Variants in YIPF1 observed in about 807,000 individuals in gnomAD.
YIPF1 encodes the protein protein YIPF1.
A neutral mutation model predicts 37.0 loss-of-function variants in YIPF1; 22 were observed. The ratio of observed to expected loss-of-function variants is 0.59; its 90% CI spans 0.42 to 0.85. The LOEUF (loss-of-function observed/expected upper bound fraction) is 0.85. YIPF1 is among the 40% of genes least tolerant of loss of function. YIPF1 has a pLI of 0.00. For missense variants in YIPF1, 355 were observed against 373.1 expected (o/e 0.95, Z 0.40); for synonymous variants, 128 against 131.9 (o/e 0.97, Z 0.21).
At position 53,878,289 on chromosome 1, in the gene YIPF1, G is replaced by A. The variant is rs200304706; in HGVS notation, c.364+26C>T. 2.1e-5 allele frequency: 34 copies of A among 1,608,012 alleles called. No homozygotes were observed. The Admixed American group carries it at 2.9e-4, about 14-fold the overall frequency. On this transcript the variant is annotated intron_variant, in intron 6 of 10. Transcript: ENST00000072644. ...ACTCACCCAAGTTCAACTGAAATAC[G>A]GTAAACAAATCAGTACTAAACATAC...
intron 4 of YIPF1, among the ~76,000 whole-genome samples, chr1:53,881,244 CAAAAAAAA>C (rs747288925): frequency 1.0e-5 from 1 of 96,320 alleles, no homozygotes. Flanking sequence ...GACTCCATCT[CAAAAAAAA>C]AAAAAAAAAG....
At chr1:53,884,985 T>A (rs1416300436) in intron 3 of YIPF1, among the ~76,000 whole-genome samples, 1 of 152,174 alleles carries the variant, frequency 6.6e-6, no homozygotes, top group Non-Finnish European at 1.5e-5. Flanking sequence ...GTAGCTAATA[T>A]GCAACAATTA....
At chr1:53,854,188 G>A (rs2100715232) in intron 10 of YIPF1, among the ~76,000 whole-genome samples, 1 of 152,194 alleles carries the variant, frequency 6.6e-6, no homozygotes, top group East Asian at 1.9e-4. Flanking sequence ...GGAGGTGGAG[G>A]TTGCAATGAG....
chr1:53,878,277 C>A lies in YIPF1; in HGVS notation c.364+38G>T. 4 of 1,602,888 alleles carry A rather than the reference C, an allele frequency of 2.5e-6. No individual in the cohort carries two copies. In the South Asian group the frequency reaches 4.5e-5, roughly 18 times the overall value. On this transcript the variant is annotated intron_variant, in intron 6 of 10. Coordinates refer to ENST00000072644, the MANE Select transcript of YIPF1 (RefSeq NM_018982.5). The stretch of plus-strand genomic sequence containing the variant: ...GGCAACCCTCACACTCACCCAAGTT[C>A]AACTGAAATACGGTAAACAAATCAG...
chr1:53,871,570 T>C, intron 6 of YIPF1, 82 bp from the exon 7 acceptor site: 1 of 1,140,090 alleles, frequency 8.8e-7, no homozygotes, highest in African/African-American at 1.6e-5. Context: ...TATCTTCCTC[T>C]TGTATTCATG....
intron 10 of YIPF1, chr1:53,855,006 G>T (rs1010046725): frequency 1.3e-5 from 2 of 151,664 alleles, no homozygotes; most frequent in East Asian, 3.9e-4. Flanking sequence ...ACTACCTGGA[G>T]AAGTCAAGAA....
In YIPF1 at chr1:53,889,762, T is replaced by A. The variant is rs1650760950; in HGVS notation, c.-319A>T. On this transcript the variant is annotated 5_prime_UTR_variant, in exon 1 of 11. Coordinates refer to ENST00000072644, the MANE Select transcript of YIPF1 (RefSeq NM_018982.5). Reference sequence around the variant, plus strand: ...GTCCCGAGAAGGCTCGGGCCTCAGTTGCTCCGCGCCGGTTTCGGTCCAGCC... The same window carrying A: ...GTCCCGAGAAGGCTCGGGCCTCAGTAGCTCCGCGCCGGTTTCGGTCCAGCC... The A allele has an allele frequency of 6.6e-6, 1 of 152,340 alleles. No individual in the cohort carries two copies. The highest frequency in any genetic ancestry group is 2.4e-5 in the African/African-American group (1 of 41,452). The allele number at this position is 152,340 out of a possible 1,614,324, so 9.4% of individuals were successfully genotyped here. A position where few individuals can be genotyped will look rare whatever the true frequency, so the allele number is the denominator to read the frequency against.
intron 10 of YIPF1, among the ~76,000 whole-genome samples, chr1:53,855,669 C>T (rs1649701162): frequency 6.6e-6 from 1 of 152,182 alleles, no homozygotes; most frequent in Non-Finnish European, 1.5e-5. Flanking sequence ...ACATGCCACA[C>T]AGGTTTGTAG....
At chr1:53,869,160 T>TCTCTCACACACA (rs911930860) in intron 7 of YIPF1, among the ~76,000 whole-genome samples, 3 of 137,982 alleles carry the variant, frequency 2.2e-5, no homozygotes, top group African/African-American at 8.4e-5. Context: ...TCTCTCTCTC[T>TCTCTCACACACA]CACACACACA....
rs547387261 is a variant in YIPF1 at position 53,855,471 on chromosome 1, T to C, written c.*9-3201A>G. 2.0e-5 allele frequency among the ~76,000 whole-genome samples: 3 copies of C among 152,264 alleles called. No homozygotes were observed. The South Asian group carries it at 6.2e-4, about 32-fold the overall frequency. On this transcript the variant is annotated intron_variant, in intron 10 of 10. Transcript: ENST00000072644. ...TATTCTTTATATTATTTCAATAACTTACATAGGGGTAGCATGCTGATTACA... is the reference window on the plus strand; with the variant it reads ...TATTCTTTATATTATTTCAATAACTCACATAGGGGTAGCATGCTGATTACA...
chr1:53,857,328 G>A (rs1569595952), intron 10 of YIPF1, among the ~76,000 whole-genome samples: 1 of 152,096 alleles, frequency 6.6e-6, no homozygotes, highest in Non-Finnish European at 1.5e-5. Context: ...AATACCACTG[G>A]GCAGCAATAG....
chr1:53,857,552 A>G (rs1649750918), intron 10 of YIPF1, among the ~76,000 whole-genome samples: 1 of 152,200 alleles, frequency 6.6e-6, no homozygotes, highest in African/African-American at 2.4e-5. Context: ...CAAGACTTAG[A>G]TATGAGTCCC....
chr1:53,884,208 C>G (rs939051275), intron 3 of YIPF1, among the ~76,000 whole-genome samples: 1 of 127,774 alleles, frequency 7.8e-6, no homozygotes, highest in Admixed American at 9.0e-5. Flanking sequence ...GTACTCCAGC[C>G]TGGGCAAGAG....
At chr1:53,879,314 A>C (rs1387883254) in intron 4 of YIPF1, among the ~76,000 whole-genome samples, 1 of 152,020 alleles carries the variant, frequency 6.6e-6, no homozygotes. Flanking sequence ...GGCTGGTCTC[A>C]AACTCTTGGG....
chr1:53,854,269 A>G (rs1649666552), intron 10 of YIPF1, among the ~76,000 whole-genome samples: 1 of 152,114 alleles, frequency 6.6e-6, no homozygotes, highest in Non-Finnish European at 1.5e-5. Context: ...AGAAAAAAAA[A>G]AATTCCTTCT....
Position 53,878,377 on chromosome 1 carries a change from A to G in YIPF1, c.302T>C (p.Leu101Pro), listed in dbSNP as rs1326245496. 2 of 1,614,170 alleles carry G rather than the reference A, an allele frequency of 1.2e-6. No homozygotes were observed. Residue 101 changes from leucine to proline, a missense_variant, in exon 6 of 11, where the codon CTT (leucine) becomes CCT (proline). Leu to Pro is a moderately conservative substitution (Grantham distance 98). Transcript: ENST00000072644. Reference sequence around the variant, plus strand: ...AAAGTTTTTCCCGGGTATTGGCAAAAGAGATCCTTTAATTCTGTCAAAGAC... The same window carrying G: ...AAAGTTTTTCCCGGGTATTGGCAAAGGAGATCCTTTAATTCTGTCAAAGAC... ...YQVFDRIKGS[L>P]LPIPGKNFVR...
intron 10 of YIPF1, among the ~76,000 whole-genome samples, chr1:53,856,827 C>T (rs1010172375): frequency 6.6e-6 from 1 of 152,172 alleles, no homozygotes; most frequent in South Asian, 2.1e-4. Context: ...TCTAAAATGG[C>T]CTCCAGTGAT....
Position 53,869,625 on chromosome 1 carries a change from G to A in YIPF1, c.481+1747C>T, listed in dbSNP as rs114934726. On this transcript the variant is annotated intron_variant, in intron 7 of 10. Coordinates refer to ENST00000072644, the MANE Select transcript of YIPF1 (RefSeq NM_018982.5). ...GCCTCTCGACAGCAGAGCAGGCAGGGAGAGAGCGAGGGAACTGAGAAAGTG... is the reference window on the plus strand; with the variant it reads ...GCCTCTCGACAGCAGAGCAGGCAGGAAGAGAGCGAGGGAACTGAGAAAGTG... Among the ~76,000 whole-genome samples, 366 of 152,240 alleles carry A rather than the reference G, an allele frequency of 2.4e-3. 2 individuals carry two copies. The highest frequency in any genetic ancestry group is 8.2e-3 in the African/African-American group (341 of 41,520).
Position 53,883,254 on chromosome 1 carries a change from A to G in YIPF1, c.54T>C (p.Ser18=), listed in dbSNP as rs1650553022. The change falls in exon 4 of 11, where the codon TCT becomes TCC. Residue 18 remains serine, a synonymous_variant. Coordinates refer to ENST00000072644, the MANE Select transcript of YIPF1 (RefSeq NM_018982.5). ...TGGTGGCATCTGGGTTTGCTGTCAG[A>G]GAAGTGGCTGCATTGCCAAATTCTG... ...QFEEFGNAAT[S]LTANPDATTV... The G allele has an allele frequency of 6.3e-7, 1 of 1,576,692 alleles. No individual in the cohort carries two copies. Among genetic ancestry groups the G allele is most frequent in the African/African-American group, 1.4e-5 (1 of 72,920 alleles).
Sources: gnomAD v4.1 joint callset for allele counts (sites outside exome capture counted in the v4.1 genomes callset) on GRCh38, gnomAD v4.1.1 for gene constraint, MANE v1.5 for transcripts, NCBI Gene and HGNC (gene_info 2026-07-23, HGNC 2026-07-21) for gene names.